CERKL: variants seen among roughly 807,000 people sequenced by gnomAD.
CERKL encodes the protein ceramide kinase-like protein.
CERKL carries 61 observed loss-of-function variants against 63.4 expected under a neutral mutation model. The ratio of observed to expected loss-of-function variants is 0.96; its 90% CI spans 0.78 to 1.19. The LOEUF (loss-of-function observed/expected upper bound fraction) is 1.19, where lower values mean the gene tolerates loss of function less well. Among genes scored for constraint, CERKL ranks in the 50% most tolerant of loss-of-function variants. The pLI, the probability that CERKL is intolerant of heterozygous loss-of-function variation, is 0.00. For synonymous variants in CERKL, 250 were observed against 230.5 expected (o/e 1.08, Z -0.77); for missense variants, 675 against 655.5 (o/e 1.03, Z -0.33).
Position 181,573,910 on chromosome 2 carries a change from T to A in CERKL, c.482-26A>T, listed in dbSNP as rs777509723. ...CTAAGAAGAAATTTTAAAGACAAAGTTGTAAAGTCCTTGTCATCATTTTTT... is the reference window on the plus strand; with the variant it reads ...CTAAGAAGAAATTTTAAAGACAAAGATGTAAAGTCCTTGTCATCATTTTTT... On this transcript the variant is annotated intron_variant, in intron 2 of 12. Transcript: ENST00000410087. The A allele has an allele frequency of 6.2e-6, 10 of 1,609,060 alleles. No homozygotes were observed. The East Asian group carries it at 2.2e-4, about 36-fold the overall frequency.
At chr2:181,639,731 C>T (rs982252524) in intron 1 of CERKL, among the ~76,000 whole-genome samples, 2 of 152,102 alleles carry the variant, frequency 1.3e-5, no homozygotes, top group Non-Finnish European at 2.9e-5. Flanking sequence ...AGCTTTGAAC[C>T]CCAGCAACTG....
intron 3 of CERKL, among the ~76,000 whole-genome samples, chr2:181,572,702 A>G (rs1183573794): frequency 6.6e-6 from 1 of 150,914 alleles, no homozygotes; most frequent in African/African-American, 2.4e-5. Context: ...ATTCCTCTTG[A>G]GTTTTTCATG....
chr2:181,654,047 A>T lies in CERKL; in HGVS notation c.238+2722T>A, dbSNP rs545309430. On this transcript the variant is annotated intron_variant, in intron 1 of 12. Transcript: ENST00000410087. Reference sequence around the variant, plus strand: ...TATACAATTACAATGTGTCAATTAAATTTTTTTAAACAATTAAAAAGTTAT... The same window carrying T: ...TATACAATTACAATGTGTCAATTAATTTTTTTTAAACAATTAAAAAGTTAT... Among the ~76,000 whole-genome samples the T allele has an allele frequency of 2.6e-5, 4 of 152,248 alleles. No homozygotes were observed. In the South Asian group the frequency reaches 6.2e-4, roughly 24 times the overall value.
At chr2:181,541,940 T>C (rs1335439345) in intron 11 of CERKL, among the ~76,000 whole-genome samples, 1 of 152,146 alleles carries the variant, frequency 6.6e-6, no homozygotes, top group Non-Finnish European at 1.5e-5. Flanking sequence ...CTCTTCAGCA[T>C]ACAAGAAGAC....
intron 1 of CERKL, among the ~76,000 whole-genome samples, chr2:181,611,201 C>A (rs1685955059): frequency 6.6e-6 from 1 of 151,938 alleles, no homozygotes; most frequent in African/African-American, 2.4e-5. Context: ...TCAGCCTGGG[C>A]AACAGAGTGA....
chr2:181,575,378 C>T (rs1393780383), intron 2 of CERKL, among the ~76,000 whole-genome samples: 1 of 152,138 alleles, frequency 6.6e-6, no homozygotes, highest in African/African-American at 2.4e-5. Context: ...AGCACTTGTG[C>T]TAAGTACTGG....
At chr2:181,559,843 C>T (rs183441971) in intron 4 of CERKL, among the ~76,000 whole-genome samples, 49 of 152,260 alleles carry the variant, frequency 3.2e-4, no homozygotes, top group Non-Finnish European at 4.4e-5. Context: ...TCTATTCCCT[C>T]TAGTCCCCAT....
intron 1 of CERKL, among the ~76,000 whole-genome samples, chr2:181,650,325 T>C (rs890872587): frequency 4.6e-5 from 7 of 151,958 alleles, no homozygotes; most frequent in Non-Finnish European, 7.4e-5. Flanking sequence ...AGAATGAAAA[T>C]ATACCATAAC....
intron 1 of CERKL, among the ~76,000 whole-genome samples, chr2:181,630,902 T>C (rs1290577331): frequency 6.6e-6 from 1 of 152,214 alleles, no homozygotes; most frequent in African/African-American, 2.4e-5. Context: ...GAGAAACTGA[T>C]TGTATCTTTT....
At chr2:181,640,800 T>C (rs1043536760) in intron 1 of CERKL, among the ~76,000 whole-genome samples, 2 of 152,204 alleles carry the variant, frequency 1.3e-5, no homozygotes, top group African/African-American at 2.4e-5. Flanking sequence ...CCCATCTGGA[T>C]TGCCCTCTCT....
At chr2:181,616,290 T>A (rs531754277) in intron 1 of CERKL, among the ~76,000 whole-genome samples, 1 of 147,676 alleles carries the variant, frequency 6.8e-6, no homozygotes, top group East Asian at 2.0e-4. Flanking sequence ...CTTGGCTCAC[T>A]GCAAGCTCCG....
Position 181,558,778 on chromosome 2 carries a change from A to G in CERKL, c.678-70T>C. 6.6e-7 allele frequency: 1 copy of G among 1,504,646 alleles called. No individual in the cohort carries two copies. The highest frequency in any genetic ancestry group is 9.2e-7 in the Non-Finnish European group (1 of 1,084,738). The allele number at this position is 1,504,646 out of a possible 1,614,324, so 93.2% of individuals were successfully genotyped here. A position where few individuals can be genotyped will look rare whatever the true frequency, so the allele number is the denominator to read the frequency against. ...ATTGGTAATAAGTCATGAAATCTAGACTTCAAAATAGTTTACTAATTTGTA... is the reference window on the plus strand; with the variant it reads ...ATTGGTAATAAGTCATGAAATCTAGGCTTCAAAATAGTTTACTAATTTGTA... On this transcript the variant is annotated intron_variant, in intron 4 of 12. Transcript: ENST00000410087. The surrounding 1 kb of genome is among the most constrained non-coding windows in gnomAD (Gnocchi z 4.2).
intron 1 of CERKL, among the ~76,000 whole-genome samples, chr2:181,613,474 C>A (rs1040116755): frequency 6.6e-6 from 1 of 152,170 alleles, no homozygotes. Context: ...GTATTTCCTG[C>A]TTTTCCAGCT....
intron 11 of CERKL, among the ~76,000 whole-genome samples, chr2:181,540,417 C>T (rs1176420539): frequency 2.0e-5 from 3 of 152,182 alleles, no homozygotes; most frequent in African/African-American, 2.4e-5. Context: ...TGTTCAAGTC[C>T]TAACCCCTGG....
chr2:181,592,202 C>T (rs191967217), intron 2 of CERKL, among the ~76,000 whole-genome samples: 4 of 152,262 alleles, frequency 2.6e-5, no homozygotes, highest in East Asian at 3.9e-4. Context: ...CTTTCTCTTT[C>T]TCTCTCTTGA....
chr2:181,594,668 C>T (rs1476551603), intron 2 of CERKL, among the ~76,000 whole-genome samples: 4 of 152,090 alleles, frequency 2.6e-5, no homozygotes, highest in African/African-American at 4.8e-5. Flanking sequence ...AAGTGAACTT[C>T]TTCAAAATAT....
chr2:181,567,339 GAAT>G (rs1258106824), intron 3 of CERKL, among the ~76,000 whole-genome samples: 1 of 151,920 alleles, frequency 6.6e-6, no homozygotes, highest in Non-Finnish European at 1.5e-5. Flanking sequence ...TTAAAAATAA[GAAT>G]ATCATGAAAA....
At chr2:181,567,512 T>G (rs968497746) in intron 3 of CERKL, among the ~76,000 whole-genome samples, 1 of 151,898 alleles carries the variant, frequency 6.6e-6, no homozygotes, top group African/African-American at 2.4e-5. Context: ...ATATTGTGGG[T>G]GGAATTTGAT....
intron 4 of CERKL, among the ~76,000 whole-genome samples, chr2:181,560,420 C>G (rs1335111146): frequency 6.6e-6 from 1 of 152,148 alleles, no homozygotes; most frequent in Non-Finnish European, 1.5e-5. Flanking sequence ...TGAGCATGTT[C>G]TGAAACATCT....
Sources: allele counts gnomAD v4.1 joint callset (sites outside exome capture counted in the v4.1 genomes callset), GRCh38; gene constraint gnomAD v4.1.1; non-coding constraint Gnocchi (gnomAD v3.1); transcripts MANE v1.5; gene names NCBI Gene and HGNC (gene_info 2026-07-23, HGNC 2026-07-21).